WDR4: variants seen among roughly 807,000 people sequenced by gnomAD.
WDR4 encodes WDR4 tRNA N7-guanosine methyltransferase non-catalytic subunit.
Under a neutral mutation model 48.6 loss-of-function variants are expected in WDR4, and 47 were observed. That is an observed-to-expected ratio of 0.97 (90% CI 0.77 to 1.23). The LOEUF is 1.23. WDR4 is among the 50% of genes most tolerant of loss of function. The probability of loss-of-function intolerance (pLI) is 0.00; values close to 1 mark genes in which losing one functional copy is unlikely to be tolerated. For synonymous variants in WDR4, 268 were observed against 230.0 expected (o/e 1.17, Z -1.49); for missense variants, 606 against 551.6 (o/e 1.10, Z -0.99).
intron 2 of WDR4, among the ~76,000 whole-genome samples, chr21:42,875,450 G>A (rs542310993): frequency 5.9e-5 from 9 of 152,282 alleles, no homozygotes; most frequent in African/African-American, 1.9e-4. Context: ...AGCTACTCAG[G>A]AGGCTGAGTC....
Position 42,852,267 on chromosome 21 carries a change from C to G in WDR4, c.1033G>C (p.Ala345Pro), listed in dbSNP as rs772052898. ...CCCGTGCTCTCACCTTCCAGCATGG[C>G]CCAGTTCCCACGAAGAACACCAGAG... ...KVSGVLRGNW[A>P]MLEGSAGADA... is the part of the protein sequence containing the mutation. Residue 345 changes from alanine (A) to proline (P), a missense_variant, in exon 10 of 11, where the codon GCC (alanine) becomes CCC (proline). Physicochemically the swap from Ala to Pro is conservative, Grantham distance 27. Coordinates refer to ENST00000398208, the MANE Select transcript of WDR4 (RefSeq NM_018669.6). 1.1e-5 allele frequency: 17 copies of G among 1,614,022 alleles called. No homozygotes were observed. Among genetic ancestry groups the G allele is most frequent in the African/African-American group, 1.3e-5 (1 of 74,944 alleles).
intron 3 of WDR4, among the ~76,000 whole-genome samples, 160 bp from the exon 4 acceptor site, chr21:42,863,756 A>G (rs1024328376): frequency 5.9e-5 from 9 of 151,924 alleles, no homozygotes; most frequent in Non-Finnish European, 1.3e-4. Flanking sequence ...CAATGCTAAC[A>G]ACTGGAACAA....
At chr21:42,879,577 G>A, upstream of WDR4, 3 of 1,539,340 alleles carry the variant, frequency 1.9e-6, no homozygotes, top group Non-Finnish European at 2.7e-6. Context: ...GCCAGGCGCA[G>A]ACGCCGAGAG....
In WDR4 at chr21:42,859,648, G is replaced by T. The variant is rs1237362433; in HGVS notation, c.627+14C>A. On this transcript the variant is annotated intron_variant, in intron 6 of 10. Transcript: ENST00000398208. ...AAGAATCCAGAGGTGAGTGACGCTG[G>T]GCAGAACACTTACCCCAGAGGAGGA... is the stretch of plus-strand genomic sequence containing the variant. 4 of 1,490,652 alleles carry T rather than the reference G, an allele frequency of 2.7e-6. No individual in the cohort carries two copies. The highest frequency in any genetic ancestry group is 1.8e-4 in the Middle Eastern group (1 of 5,508). 92.3% of individuals were successfully genotyped at this position (1,490,652 alleles called of 1,614,324 possible). A position where few individuals can be genotyped will look rare whatever the true frequency, so the allele number is the denominator to read the frequency against.
chr21:42,878,761 T>A (rs528945627), intron 1 of WDR4, among the ~76,000 whole-genome samples: 1 of 152,184 alleles, frequency 6.6e-6, no homozygotes, highest in East Asian at 1.9e-4. Flanking sequence ...AGAATAAAAT[T>A]ACGGAAAGCA....
At chr21:42,854,162 G>A (rs1034617742) in intron 8 of WDR4, among the ~76,000 whole-genome samples, 1 of 152,208 alleles carries the variant, frequency 6.6e-6, no homozygotes, top group Non-Finnish European at 1.5e-5. Context: ...CAAGTCACTC[G>A]GGAAGAAGCA....
At chr21:42,851,425 A>G (rs557623755) in intron 10 of WDR4, among the ~76,000 whole-genome samples, 49 of 152,312 alleles carry the variant, frequency 3.2e-4, no homozygotes, top group African/African-American at 1.1e-3. Flanking sequence ...CTGGGCCCCA[A>G]TCAGCGGAAA....
chr21:42,886,061 A>C, the WDR4 span, among the ~76,000 whole-genome samples: 5 of 150,064 alleles, frequency 3.3e-5, no homozygotes, highest in Non-Finnish European at 7.4e-5. Flanking sequence ...GGTTCAGGCG[A>C]TTCTCCTGTC....
At chr21:42,878,817 G>C (rs1179470254) in intron 1 of WDR4, among the ~76,000 whole-genome samples, 1 of 152,210 alleles carries the variant, frequency 6.6e-6, no homozygotes, top group African/African-American at 2.4e-5. Context: ...CGCACTGCGA[G>C]CTCCACGTGC....
the WDR4 span, among the ~76,000 whole-genome samples, chr21:42,892,571 T>C: frequency 9.0e-3 from 1,345 of 149,390 alleles, 12 homozygotes; most frequent in Middle Eastern, 0.034. Context: ...AGGTGGCACG[T>C]CCATCTCCGA....
At chr21:42,863,257 C>T (rs911144579) in intron 4 of WDR4, among the ~76,000 whole-genome samples, 183 bp downstream of exon 4, 3 of 152,230 alleles carry the variant, frequency 2.0e-5, no homozygotes, top group Non-Finnish European at 4.4e-5. Context: ...ACAGACCGGG[C>T]AGACGTTGAT....
At chr21:42,878,099 G>T (rs1182016799) in intron 1 of WDR4, among the ~76,000 whole-genome samples, 1 of 151,818 alleles carries the variant, frequency 6.6e-6, no homozygotes, top group East Asian at 1.9e-4. Context: ...AGCGTTCAGT[G>T]GGATTCTGTA....
the WDR4 span, among the ~76,000 whole-genome samples, chr21:42,884,582 G>A: frequency 1.4e-4 from 22 of 151,766 alleles, no homozygotes; most frequent in Non-Finnish European, 7.4e-5. Context: ...GGGAGGCAGA[G>A]GTTGCAGTGA....
chr21:42,851,730 G>A (rs930027111), intron 10 of WDR4, among the ~76,000 whole-genome samples: 9 of 152,198 alleles, frequency 5.9e-5, no homozygotes, highest in Admixed American at 1.3e-4. Flanking sequence ...CCGCAGCCAC[G>A]GGAGTTGCTG....
chr21:42,876,342 T>C (rs137969155), intron 2 of WDR4, among the ~76,000 whole-genome samples: 214 of 151,996 alleles, frequency 1.4e-3, no homozygotes, highest in Admixed American at 4.3e-3. Flanking sequence ...GCCTCCCAAG[T>C]AGACGGGATT....
At chr21:42,859,749 G>A (rs1199119664) in intron 5 of WDR4, 27 bp from the exon 6 acceptor site, 11 of 1,553,190 alleles carry the variant, frequency 7.1e-6, no homozygotes, top group Non-Finnish European at 9.6e-6. Context: ...GAGCGGCAGA[G>A]TCAGCGAGCC....
chr21:42,859,532 A>G (rs1569321070), intron 6 of WDR4, 130 bp downstream of exon 6: 2 of 745,368 alleles, frequency 2.7e-6, no homozygotes, highest in Admixed American at 2.6e-5. Flanking sequence ...AGGCAGCTCT[A>G]AGATCTAGTG....
chr21:42,854,704 A>G, intron 7 of WDR4, 78 bp from the exon 8 acceptor site: 1 of 1,394,018 alleles, frequency 7.2e-7, no homozygotes. Context: ...AACAAGAGCA[A>G]GACCGAAGGA....
At chr21:42,854,671 C>CCA in intron 7 of WDR4, 45 bp from the exon 8 acceptor site, 1 of 1,592,702 alleles carries the variant, frequency 6.3e-7, no homozygotes, top group Non-Finnish European at 8.6e-7. Context: ...CCTGCAGGGG[C>CCA]CCGACGCCGG....
Sources: allele counts gnomAD v4.1 joint callset (sites outside exome capture counted in the v4.1 genomes callset), GRCh38; gene constraint gnomAD v4.1.1; transcripts MANE v1.5; gene names NCBI Gene and HGNC (gene_info 2026-07-23, HGNC 2026-07-21).